The following ERC2 variants were observed in gnomAD, a reference collection of about 807,000 sequenced individuals.
The protein encoded by ERC2 is ELKS/RAB6-interacting/CAST family member 2, also known as ERC protein 2.
Under a neutral mutation model 114.8 loss-of-function variants are expected in ERC2, and 42 were observed. The ratio of observed to expected loss-of-function variants is 0.37; its 90% CI spans 0.29 to 0.47. The LOEUF is 0.47. Ranked by LOEUF, ERC2 falls within the 20% of genes least tolerant of loss-of-function variation. The pLI, the probability that ERC2 is intolerant of heterozygous loss-of-function variation, is 0.99. For missense variants in ERC2, 939 were observed against 1,150.7 expected, an observed-to-expected ratio of 0.82 and a Z score of 2.66; for synonymous variants, 454 against 425.5, an observed-to-expected ratio of 1.07 and a Z score of -0.82.
intron 17 of ERC2, among the ~76,000 whole-genome samples, chr3:55,548,899 T>A (rs1238363578): frequency 6.6e-6 from 1 of 152,092 alleles, no homozygotes; most frequent in Non-Finnish European, 1.5e-5. Flanking sequence ...GAAATGGAGA[T>A]CTCCAGCAGC....
rs532277759 is a variant in ERC2 at position 55,688,002 on chromosome 3, C to A, written c.2848-4143G>T. 4.9e-4 allele frequency among the ~76,000 whole-genome samples: 75 copies of A among 152,318 alleles called. 3 individuals are homozygous for A. In the South Asian group the frequency reaches 0.015, roughly 30 times the overall value. On this transcript the variant is annotated intron_variant, in intron 16 of 17. Coordinates refer to ENST00000288221, the MANE Select transcript of ERC2 (RefSeq NM_015576.3). ...AGACCATTCATTCTGTCTTTTATTT[C>A]TCCTGCTTCCTGGAATGCTTAGTCC...
intron 15 of ERC2, among the ~76,000 whole-genome samples, chr3:55,727,802 A>G (rs927501483): frequency 1.2e-4 from 18 of 152,206 alleles, no homozygotes; most frequent in African/African-American, 4.1e-4. Context: ...AAATTGGAGG[A>G]GATTTGAACT....
intron 7 of ERC2, among the ~76,000 whole-genome samples, chr3:56,042,166 C>A (rs753337968): frequency 1.3e-5 from 2 of 152,108 alleles, no homozygotes; most frequent in African/African-American, 2.4e-5. Flanking sequence ...TACATTCCCA[C>A]GAGATGAAGG....
intron 16 of ERC2, among the ~76,000 whole-genome samples, chr3:55,684,871 T>G (rs2062244478): frequency 6.6e-6 from 1 of 152,172 alleles, no homozygotes; most frequent in Admixed American, 6.5e-5. Flanking sequence ...TGAAGTCAGA[T>G]TTTTCCATAA....
intron 17 of ERC2, among the ~76,000 whole-genome samples, chr3:55,566,517 C>T (rs1056455804): frequency 6.6e-6 from 1 of 152,030 alleles, no homozygotes; most frequent in African/African-American, 2.4e-5. Context: ...CTGCTACCTC[C>T]ACCTCCTGGG....
chr3:55,550,166 C>T (rs1205017198), intron 17 of ERC2, among the ~76,000 whole-genome samples: 1 of 152,106 alleles, frequency 6.6e-6, no homozygotes, highest in Admixed American at 6.5e-5. Context: ...GCCTCATTCC[C>T]TCCCTCTTTA....
Position 56,187,982 on chromosome 3 carries a change from C to G in ERC2, c.1075-14462G>C, listed in dbSNP as rs561558999. ...CCTGAAGGATGAGCAGGAACCAGCA[C>G]GCAAACACCTGTGGGGAACGTGGTC... is the stretch of plus-strand genomic sequence containing the variant. On this transcript the variant is annotated intron_variant, in intron 3 of 17. Coordinates refer to ENST00000288221, the MANE Select transcript of ERC2 (RefSeq NM_015576.3). 3.3e-5 allele frequency among the ~76,000 whole-genome samples: 5 copies of G among 152,084 alleles called. No individual in the cohort carries two copies. In the East Asian group the frequency reaches 5.8e-4, roughly 18 times the overall value.
chr3:56,034,224 G>A (rs1051583645), intron 7 of ERC2, among the ~76,000 whole-genome samples: 2 of 152,052 alleles, frequency 1.3e-5, no homozygotes, highest in Non-Finnish European at 2.9e-5. Context: ...ACTGTCATAA[G>A]AGACAAAGAA....
chr3:55,709,184 G>A (rs979639123), intron 15 of ERC2, among the ~76,000 whole-genome samples: 1 of 152,080 alleles, frequency 6.6e-6, no homozygotes. Context: ...AGAACTCTAG[G>A]AGCATGTGAG....
intron 2 of ERC2, among the ~76,000 whole-genome samples, chr3:56,297,615 C>T (rs1233017827): frequency 6.6e-6 from 1 of 152,206 alleles, no homozygotes; most frequent in East Asian, 1.9e-4. Flanking sequence ...TCCCTATGGA[C>T]AAGCCAAGAT....
At chr3:56,329,143 T>A (rs1210385600) in intron 2 of ERC2, among the ~76,000 whole-genome samples, 1 of 152,192 alleles carries the variant, frequency 6.6e-6, no homozygotes, top group African/African-American at 2.4e-5. Flanking sequence ...AGCAAAATCT[T>A]TTGCAAATTA....
chr3:55,977,058 T>C (rs1317160319), intron 12 of ERC2, among the ~76,000 whole-genome samples: 1 of 152,228 alleles, frequency 6.6e-6, no homozygotes, highest in Admixed American at 6.5e-5. Context: ...ACTGAATCTG[T>C]TGGTACCTTT....
chr3:56,201,860 C>T (rs1272431414), intron 3 of ERC2, among the ~76,000 whole-genome samples: 1 of 152,228 alleles, frequency 6.6e-6, no homozygotes, highest in Non-Finnish European at 1.5e-5. Context: ...CAACATCTTA[C>T]TATGTTTCCA....
At chr3:55,881,052 C>T (rs1018916481) in intron 14 of ERC2, among the ~76,000 whole-genome samples, 3 of 152,186 alleles carry the variant, frequency 2.0e-5, no homozygotes, top group African/African-American at 4.8e-5. Flanking sequence ...TTCTCCCAAA[C>T]TCCATTTATC....
At chr3:56,402,590 G>T (rs2060561567) in intron 2 of ERC2, among the ~76,000 whole-genome samples, 1 of 152,180 alleles carries the variant, frequency 6.6e-6, no homozygotes, top group African/African-American at 2.4e-5. Flanking sequence ...CACTAACAGT[G>T]ATTAGGGTCC....
At chr3:56,000,219 G>T (rs1369636114) in intron 10 of ERC2, among the ~76,000 whole-genome samples, 1 of 151,912 alleles carries the variant, frequency 6.6e-6, no homozygotes, top group Non-Finnish European at 1.5e-5. Context: ...AACTAAAGAT[G>T]GATAAAGGGC....
At chr3:55,809,068 A>C (rs1372193931) in intron 14 of ERC2, among the ~76,000 whole-genome samples, 1 of 152,042 alleles carries the variant, frequency 6.6e-6, no homozygotes, top group African/African-American at 2.4e-5. Context: ...ACAGAATTCT[A>C]TGGCTTTCAG....
intron 14 of ERC2, among the ~76,000 whole-genome samples, chr3:55,888,109 C>T (rs1444633121): frequency 6.6e-6 from 1 of 152,210 alleles, no homozygotes; most frequent in Admixed American, 6.5e-5. Flanking sequence ...CAGACCTTTC[C>T]AACAGATCTA....
At position 55,733,542 on chromosome 3, in the gene ERC2, T is replaced by TCACACACACACA. The variant is rs58311179; in HGVS notation, c.2712+1217_2712+1228dup. ...CTGTCTCTCATTCTTTCTCTCTCTC[T>TCACACACACACA]CACACACACACACACACACACACAC... is the stretch of plus-strand genomic sequence containing the variant. On this transcript the variant is annotated intron_variant, in intron 15 of 17. Transcript: ENST00000288221. Among the ~76,000 whole-genome samples, 162 of 107,854 alleles carry TCACACACACACA rather than the reference T, an allele frequency of 1.5e-3. 4 individuals carry two copies. Among genetic ancestry groups the TCACACACACACA allele is most frequent in the South Asian group, 6.3e-3 (16 of 2,528 alleles). The allele number at this position is 107,854 out of a possible 152,430, so 70.8% of individuals were successfully genotyped here.
Sources: gnomAD v4.1 joint callset for allele counts (sites outside exome capture counted in the v4.1 genomes callset) on GRCh38, gnomAD v4.1.1 for gene constraint, MANE v1.5 for transcripts, NCBI Gene and HGNC (gene_info 2026-07-23, HGNC 2026-07-21) for gene names.